The following GSDMC variants were observed in gnomAD, a reference collection of about 807,000 sequenced individuals.
The protein encoded by GSDMC is gasdermin-C.
A neutral mutation model predicts 58.0 loss-of-function variants in GSDMC; 59 were observed. The ratio of observed to expected loss-of-function variants is 1.02; its 90% confidence interval spans 0.82 to 1.26. The LOEUF (loss-of-function observed/expected upper bound fraction) is 1.26. GSDMC is among the 50% of genes most tolerant of loss of function. The pLI, the probability that GSDMC is intolerant of heterozygous loss-of-function variation, is 0.00. For synonymous variants in GSDMC, 241 were observed against 220.2 expected (o/e 1.09, Z -0.83); for missense variants, 659 against 598.5 (o/e 1.10, Z -1.06).
the GSDMC span, among the ~76,000 whole-genome samples, chr8:129,725,991 G>T: frequency 6.6e-6 from 1 of 152,136 alleles, no homozygotes; most frequent in Admixed American, 6.5e-5. Context: ...TGTTTTGAAA[G>T]ACTTTAATTG....
At chr8:129,746,177 A>G (rs1433741061), downstream of GSDMC, among the ~76,000 whole-genome samples, 3 of 152,208 alleles carry the variant, frequency 2.0e-5, no homozygotes, top group Non-Finnish European at 4.4e-5. Flanking sequence ...TAGCTCAAGA[A>G]AAAGAACAGT....
chr8:129,779,425 G>A (rs1232937451), intron 1 of GSDMC, among the ~76,000 whole-genome samples: 1 of 152,108 alleles, frequency 6.6e-6, no homozygotes, highest in East Asian at 1.9e-4. Flanking sequence ...CTCATGGAGG[G>A]GACCAACACA....
intron 7 of GSDMC, 101 bp downstream of exon 7, chr8:129,752,597 A>G: frequency 6.6e-7 from 1 of 1,504,274 alleles, no homozygotes; most frequent in Non-Finnish European, 8.9e-7. Context: ...ATAGAAGCCT[A>G]CATGGTTCAT....
chr8:129,722,502 C>G, the GSDMC span, among the ~76,000 whole-genome samples: 1 of 152,116 alleles, frequency 6.6e-6, no homozygotes, highest in African/African-American at 2.4e-5. Flanking sequence ...TGTCAAAATC[C>G]TTATTTCACC....
the GSDMC span, chr8:129,730,469 T>C: frequency 6.3e-4 from 581 of 923,584 alleles, 1 homozygote; most frequent in African/African-American, 9.2e-3. Flanking sequence ...TCATACACTT[T>C]TGTAGCTTAG....
the GSDMC span, among the ~76,000 whole-genome samples, chr8:129,716,050 A>ATT: frequency 1.3e-5 from 2 of 152,190 alleles, no homozygotes; most frequent in Admixed American, 1.3e-4. Context: ...ATAAAAAGGA[A>ATT]TTATTTGTTT....
At chr8:129,778,085 G>T (rs1215946134) in intron 1 of GSDMC, among the ~76,000 whole-genome samples, 1 of 152,200 alleles carries the variant, frequency 6.6e-6, no homozygotes, top group Non-Finnish European at 1.5e-5. Flanking sequence ...ATGTTAAGAT[G>T]ATATGAGTAG....
the GSDMC span, among the ~76,000 whole-genome samples, chr8:129,736,439 C>G: frequency 6.6e-6 from 1 of 152,146 alleles, no homozygotes; most frequent in Admixed American, 6.5e-5. Context: ...AGCTATCCAC[C>G]ACGATCAACT....
intron 7 of GSDMC, 145 bp downstream of exon 7, chr8:129,752,553 A>G: frequency 7.8e-7 from 1 of 1,288,480 alleles, no homozygotes; most frequent in Non-Finnish European, 1.0e-6. Flanking sequence ...TAAGCAAAAA[A>G]ACACTGCCAG....
the GSDMC span, among the ~76,000 whole-genome samples, chr8:129,716,995 G>A: frequency 2.0e-5 from 3 of 152,140 alleles, no homozygotes; most frequent in Non-Finnish European, 4.4e-5. Flanking sequence ...TAAGCTTTTT[G>A]ATGTGCTGCT....
chr8:129,783,415 T>G (rs373339436), intron 1 of GSDMC, among the ~76,000 whole-genome samples: 3 of 152,134 alleles, frequency 2.0e-5, no homozygotes, highest in East Asian at 3.9e-4. Flanking sequence ...AAAATCAACA[T>G]CCAAAAATCA....
At chr8:129,725,126 C>T in the GSDMC span, among the ~76,000 whole-genome samples, 1 of 152,216 alleles carries the variant, frequency 6.6e-6, no homozygotes, top group Non-Finnish European at 1.5e-5. Flanking sequence ...CCACCATTTT[C>T]CACATTCACA....
chr8:129,738,960 A>G, the GSDMC span, among the ~76,000 whole-genome samples: 1 of 152,216 alleles, frequency 6.6e-6, no homozygotes, highest in East Asian at 1.9e-4. Context: ...AGACTGGACC[A>G]AGAAGAAGAA....
At chr8:129,772,976 A>G (rs1488752688) in intron 3 of GSDMC, among the ~76,000 whole-genome samples, 1 of 152,226 alleles carries the variant, frequency 6.6e-6, no homozygotes, top group African/African-American at 2.4e-5. Context: ...GCAAATCAAT[A>G]AATATAATAC....
chr8:129,719,513 C>A, the GSDMC span, among the ~76,000 whole-genome samples: 1 of 152,174 alleles, frequency 6.6e-6, no homozygotes, highest in Non-Finnish European at 1.5e-5. Context: ...TCAATACTAT[C>A]AACTAACTTG....
intron 5 of GSDMC, among the ~76,000 whole-genome samples, chr8:129,761,493 G>A (rs963917106): frequency 6.6e-5 from 10 of 152,130 alleles, no homozygotes; most frequent in East Asian, 3.9e-4. Context: ...AGTCACCAAC[G>A]AATATTGACC....
the GSDMC span, among the ~76,000 whole-genome samples, chr8:129,717,929 C>A: frequency 6.6e-6 from 1 of 151,962 alleles, no homozygotes; most frequent in Non-Finnish European, 1.5e-5. Flanking sequence ...GGGAAAGAAT[C>A]CTCTATTTAA....
chr8:129,734,613 G>C, the GSDMC span, among the ~76,000 whole-genome samples: 2 of 152,132 alleles, frequency 1.3e-5, no homozygotes, highest in East Asian at 1.9e-4. Context: ...ACCCTTTACA[G>C]ACAAGCAAAT....
intron 6 of GSDMC, among the ~76,000 whole-genome samples, chr8:129,759,718 C>A (rs2033580137): frequency 6.6e-6 from 1 of 152,090 alleles, no homozygotes; most frequent in East Asian, 1.9e-4. Flanking sequence ...ATAACACATG[C>A]TGGGGAGGAT....
Sources: allele counts gnomAD v4.1 joint callset (sites outside exome capture counted in the v4.1 genomes callset), GRCh38; gene constraint gnomAD v4.1.1; transcripts MANE v1.5; gene names NCBI Gene and HGNC (gene_info 2026-07-23, HGNC 2026-07-21).